BTAF1: variants seen among roughly 807,000 people sequenced by gnomAD.
BTAF1 encodes the protein B-TFIID TATA-box binding protein associated factor 1, also known as TATA-binding protein-associated factor 172.
BTAF1 carries 38 observed loss-of-function variants against 227.1 expected under a neutral mutation model. That is an observed-to-expected ratio of 0.17 (90% confidence interval 0.13 to 0.22). BTAF1 has a LOEUF of 0.22. BTAF1 is among the 10% of genes least tolerant of loss of function. The pLI is 1.00. For synonymous variants in BTAF1, 742 were observed against 751.9 expected, an observed-to-expected ratio of 0.99 and a Z score of 0.21; for missense variants, 1,598 against 2,204.0, an observed-to-expected ratio of 0.73 and a Z score of 5.51.
intron 32 of BTAF1, among the ~76,000 whole-genome samples, chr10:92,015,663 A>G (rs552901433): frequency 1.3e-5 from 2 of 152,384 alleles, no homozygotes; most frequent in South Asian, 4.1e-4. Flanking sequence ...GCTGTAACAT[A>G]GGCATAAAAT....
rs923622177 is a variant in BTAF1, at chr10:92,004,359, A to G, written c.3661-3764A>G. Reference sequence around the variant, plus strand: ...TTACCAGTTGAGCATCCCTAATCTGAAAATCTGAAATCTGAAATGCACCAT... The same window carrying G: ...TTACCAGTTGAGCATCCCTAATCTGGAAATCTGAAATCTGAAATGCACCAT... On this transcript the variant is annotated intron_variant, in intron 25 of 37. Coordinates refer to ENST00000265990, the MANE Select transcript of BTAF1 (RefSeq NM_003972.3). 2.0e-5 allele frequency among the ~76,000 whole-genome samples: 3 copies of G among 152,320 alleles called. No individual in the cohort carries two copies. In the South Asian group the frequency reaches 6.2e-4, roughly 32 times the overall value.
At chr10:91,933,189 T>G (rs182822482) in intron 1 of BTAF1, among the ~76,000 whole-genome samples, 3 of 152,266 alleles carry the variant, frequency 2.0e-5, no homozygotes. Context: ...AAACCAAAAA[T>G]ACCCACATTT....
At position 91,964,304 on chromosome 10, in the gene BTAF1, T is replaced by A; in HGVS notation, c.1529+103T>A. On this transcript the variant is annotated intron_variant, in intron 13 of 37. Transcript: ENST00000265990. ...TATTTTAGCACCTTTAAGAATAATA[T>A]TATTTAAGCTGGAGATGCCAAAGAC... is the stretch of plus-strand genomic sequence containing the variant. 9.7e-6 allele frequency: 13 copies of A among 1,334,600 alleles called. No individual in the cohort carries two copies. The South Asian group carries it at 1.8e-4, about 18-fold the overall frequency. 82.7% of individuals were successfully genotyped at this position (1,334,600 alleles called of 1,614,324 possible).
rs148553140 is a variant in BTAF1, at chr10:91,923,840, C to A, written c.-237C>A. On this transcript the variant is annotated 5_prime_UTR_variant, in exon 1 of 38. Transcript: ENST00000265990. The stretch of plus-strand genomic sequence containing the variant: ...GTACCCGGTTTGAAGTCGTGCGGGT[C>A]GGAGGACTGCCGCCTCCGCTACCGT... 1 of 450,356 alleles carries A rather than the reference C, an allele frequency of 2.2e-6. No homozygotes were observed. The highest frequency in any genetic ancestry group is 3.6e-5 in the East Asian group (1 of 27,798). 27.9% of individuals were successfully genotyped at this position (450,356 alleles called of 1,614,324 possible). A position where few individuals can be genotyped will look rare whatever the true frequency, so the allele number is the denominator to read the frequency against.
intron 2 of BTAF1, among the ~76,000 whole-genome samples, chr10:91,937,102 C>T (rs994194273): frequency 4.0e-5 from 6 of 151,012 alleles, no homozygotes; most frequent in Non-Finnish European, 4.4e-5. Flanking sequence ...TCAGGCGATT[C>T]TCCTGCCTTA....
At chr10:91,989,757 C>A (rs1203501818) in intron 20 of BTAF1, among the ~76,000 whole-genome samples, 177 bp downstream of exon 20, 2 of 152,112 alleles carry the variant, frequency 1.3e-5, no homozygotes, top group Admixed American at 6.5e-5. Flanking sequence ...ATAATACTTA[C>A]CAGTCACAAC....
chr10:91,986,797 G>T (rs1848422283), intron 19 of BTAF1, among the ~76,000 whole-genome samples: 2 of 151,826 alleles, frequency 1.3e-5, no homozygotes, highest in African/African-American at 2.4e-5. Flanking sequence ...TTTGACTTGG[G>T]CTAGAAGATA....
intron 1 of BTAF1, among the ~76,000 whole-genome samples, chr10:91,925,408 ACTT>A (rs1843756285): frequency 6.6e-6 from 1 of 152,096 alleles, no homozygotes; most frequent in Admixed American, 6.5e-5. Context: ...GGAGATGAGT[ACTT>A]CTTTTCTTAG....
chr10:91,957,196 CTAG>C, intron 7 of BTAF1, 26 bp from the exon 8 acceptor site: 1 of 1,573,498 alleles, frequency 6.4e-7, no homozygotes, highest in Middle Eastern at 1.7e-4. Context: ...ACCTTTTGAA[CTAG>C]TAGTAATTCT....
At chr10:92,018,966 G>T (rs956301931) in intron 34 of BTAF1, 31 bp downstream of exon 34, 4 of 1,436,462 alleles carry the variant, frequency 2.8e-6, no homozygotes. Flanking sequence ...TTAAATGTGT[G>T]TTGTACCCCA....
Position 91,962,442 on chromosome 10 carries a change from A to G in BTAF1, c.1264-96A>G, listed in dbSNP as rs1340421. On this transcript the variant is annotated intron_variant, in intron 11 of 37. Coordinates refer to ENST00000265990, the MANE Select transcript of BTAF1 (RefSeq NM_003972.3). ...AGCAGTGCATGACTATAAATATTGG[A>G]ATTTAGCTGTCATGTGGCAAATTTA... 298,490 of 813,814 alleles carry G rather than the reference A, an allele frequency of 0.37. 58,169 individuals are homozygous for G. Among genetic ancestry groups the G allele is most frequent in the South Asian group, 0.5 (25,334 of 50,210 alleles). 50.4% of individuals were successfully genotyped at this position (813,814 alleles called of 1,614,324 possible). A position where few individuals can be genotyped will look rare whatever the true frequency, so the allele number is the denominator to read the frequency against.
At chr10:91,970,843 G>A (rs1374025420) in intron 14 of BTAF1, among the ~76,000 whole-genome samples, 3 of 152,170 alleles carry the variant, frequency 2.0e-5, no homozygotes, top group Non-Finnish European at 4.4e-5. Context: ...GACAAACTAA[G>A]CTGAAAGATC....
chr10:92,023,683 C>CT (rs560224556), intron 34 of BTAF1, among the ~76,000 whole-genome samples: 11 of 151,818 alleles, frequency 7.2e-5, no homozygotes, highest in Non-Finnish European at 1.3e-4. Context: ...GACTCTGTCT[C>CT]TAAAAAAAAA....
At chr10:91,943,962 CCAA>C (rs1845191170) in intron 4 of BTAF1, among the ~76,000 whole-genome samples, 1 of 151,996 alleles carries the variant, frequency 6.6e-6, no homozygotes, top group African/African-American at 2.4e-5. Context: ...ACCAGCCTGG[CCAA>C]CATGGTGAAA....
intron 1 of BTAF1, among the ~76,000 whole-genome samples, chr10:91,932,480 C>T (rs1844335054): frequency 6.6e-6 from 1 of 152,074 alleles, no homozygotes; most frequent in African/African-American, 2.4e-5. Flanking sequence ...GAAACTTGAA[C>T]TTTTCCTTAA....
chr10:91,989,418 G>T lies in BTAF1; in HGVS notation c.2692G>T (p.Ala898Ser). Residue 898 changes from alanine (A) to serine (S), a missense_variant, in exon 20 of 38, where the codon GCT (alanine) becomes TCT (serine). Around this residue, in one of 10 missense-constraint regions of BTAF1, gnomAD observed 425 missense variants for 491.2 expected, o/e 0.87. Coordinates refer to ENST00000265990, the MANE Select transcript of BTAF1 (RefSeq NM_003972.3). The stretch of plus-strand genomic sequence containing the variant: ...GAATACACTAGTGCAAAACTATGCA[G>T]CTCAGTGCATAGCTAAACTCCTTCA... ...EENTLVQNYA[A>S]QCIAKLLQQC... is the part of the protein sequence containing the mutation. The T allele has an allele frequency of 6.2e-7, 1 of 1,614,128 alleles. No individual in the cohort carries two copies. Among genetic ancestry groups the T allele is most frequent in the Non-Finnish European group, 8.5e-7 (1 of 1,180,020 alleles).
intron 14 of BTAF1, among the ~76,000 whole-genome samples, chr10:91,974,686 T>C (rs1255828003): frequency 6.6e-6 from 1 of 152,074 alleles, no homozygotes; most frequent in Non-Finnish European, 1.5e-5. Flanking sequence ...ACCCTGTCTT[T>C]ACTAAAAATA....
chr10:91,993,380 G>T (rs188385019), intron 21 of BTAF1, among the ~76,000 whole-genome samples: 33 of 152,176 alleles, frequency 2.2e-4, no homozygotes, highest in Non-Finnish European at 3.7e-4. Flanking sequence ...TTTCTTTGAG[G>T]TAGAGAGAAG....
intron 35 of BTAF1, among the ~76,000 whole-genome samples, 172 bp from the exon 36 acceptor site, chr10:92,026,420 T>G (rs1400614472): frequency 1.3e-5 from 2 of 152,220 alleles, no homozygotes; most frequent in Non-Finnish European, 1.5e-5. Flanking sequence ...ATGCCCTCTT[T>G]TACTAAAAAC....
Sources: allele counts gnomAD v4.1 joint callset (sites outside exome capture counted in the v4.1 genomes callset), GRCh38; gene constraint gnomAD v4.1.1; regional missense constraint gnomAD v4.1.1; transcripts MANE v1.5; gene names NCBI Gene and HGNC (gene_info 2026-07-23, HGNC 2026-07-21).